Variants in COMMD7 observed in about 807,000 individuals in gnomAD.
COMMD7 encodes the protein COMM domain-containing protein 7.
COMMD7 carries 28 observed loss-of-function variants against 34.8 expected under a neutral mutation model. The ratio of observed to expected loss-of-function variants is 0.80; its 90% CI spans 0.60 to 1.10. The LOEUF (loss-of-function observed/expected upper bound fraction) is 1.10. COMMD7 is among the 50% of genes least tolerant of loss of function. COMMD7 has a pLI of 0.00. For missense variants in COMMD7, 211 were observed against 241.6 expected (o/e 0.87, Z 0.84); for synonymous variants, 80 against 86.4 (o/e 0.93, Z 0.41).
chr20:32,728,560 CTTTCT>C (rs536344572), intron 1 of COMMD7, among the ~76,000 whole-genome samples: 71 of 151,976 alleles, frequency 4.7e-4, no homozygotes, highest in Non-Finnish European at 8.7e-4. Context: ...TCCATATTTT[CTTTCT>C]TTTCTTTTTT....
intron 3 of COMMD7, among the ~76,000 whole-genome samples, chr20:32,714,703 A>T (rs1309182764): frequency 6.6e-6 from 1 of 152,086 alleles, no homozygotes; most frequent in Admixed American, 6.6e-5. Context: ...GCATGGCTGT[A>T]GTCCCAGCTA....
chr20:32,704,761 G>T, intron 6 of COMMD7, 53 bp downstream of exon 6: 2 of 1,350,274 alleles, frequency 1.5e-6, no homozygotes, highest in Non-Finnish European at 2.1e-6. Context: ...CACAGCCTCT[G>T]CACCCCAACC....
intron 1 of COMMD7, among the ~76,000 whole-genome samples, chr20:32,738,622 A>G (rs1450433013): frequency 2.0e-5 from 3 of 152,134 alleles, no homozygotes; most frequent in African/African-American, 7.2e-5. Flanking sequence ...GGGTCTTGCT[A>G]TGTTGCTCAG....
Position 32,722,916 on chromosome 20 carries a change from G to A in COMMD7, c.241+4977C>T, listed in dbSNP as rs1985258800. Among the ~76,000 whole-genome samples, 4 of 151,320 alleles carry A rather than the reference G, an allele frequency of 2.6e-5. No individual in the cohort carries two copies. In the Admixed American group the frequency reaches 2.7e-4, roughly 10 times the overall value. On this transcript the variant is annotated intron_variant, in intron 3 of 8. Transcript: ENST00000278980. ...GGGCACCTGTAGTCCCAGCTACTCGGGAGGCTGAGGCAGAATGGCGTGAAC... is the reference window on the plus strand; with the variant it reads ...GGGCACCTGTAGTCCCAGCTACTCGAGAGGCTGAGGCAGAATGGCGTGAAC...
chr20:32,706,818 A>C, intron 3 of COMMD7, 58 bp from the exon 4 acceptor site: 1 of 1,404,846 alleles, frequency 7.1e-7, no homozygotes, highest in Non-Finnish European at 1.0e-6. Context: ...GTCGGCAATA[A>C]GTATTTAATG....
chr20:32,711,829 G>A, intron 3 of COMMD7, among the ~76,000 whole-genome samples: 1 of 138,640 alleles, frequency 7.2e-6, no homozygotes. Flanking sequence ...GGGGCCTCTT[G>A]GAGGGTGGGG....
At chr20:32,742,335 A>G (rs943727344) in intron 1 of COMMD7, 6 of 152,116 alleles carry the variant, frequency 3.9e-5, no homozygotes, top group African/African-American at 1.2e-4. Flanking sequence ...TTTGGTTTTT[A>G]TCTCGCAAGC....
intron 3 of COMMD7, among the ~76,000 whole-genome samples, chr20:32,707,181 G>A (rs1363826581): frequency 6.7e-6 from 1 of 148,884 alleles, no homozygotes; most frequent in Non-Finnish European, 1.5e-5. Flanking sequence ...CTACTCGGGA[G>A]GCTGAGGCAG....
chr20:32,703,960 C>T (rs750242974), intron 8 of COMMD7, 63 bp downstream of exon 8: 1 of 1,612,192 alleles, frequency 6.2e-7, no homozygotes, highest in Admixed American at 1.7e-5. Flanking sequence ...GTGAGCGTCA[C>T]CAGCCCCTGA....
At chr20:32,737,906 C>G (rs1257706963) in intron 1 of COMMD7, among the ~76,000 whole-genome samples, 1 of 149,558 alleles carries the variant, frequency 6.7e-6, no homozygotes, top group African/African-American at 2.5e-5. Flanking sequence ...CTACGAATAC[C>G]AAGCTGGAGG....
chr20:32,722,922 T>A (rs1353773275), intron 3 of COMMD7, among the ~76,000 whole-genome samples: 1 of 149,060 alleles, frequency 6.7e-6, no homozygotes, highest in Non-Finnish European at 1.5e-5. Flanking sequence ...CTCGGGAGGC[T>A]GAGGCAGAAT....
intron 3 of COMMD7, 51 bp from the exon 4 acceptor site, chr20:32,706,811 G>A (rs548716753): frequency 6.8e-5 from 101 of 1,477,282 alleles, no homozygotes; most frequent in Middle Eastern, 1.7e-4. Context: ...TGAATTAGTC[G>A]GCAATAAGTA....
intron 3 of COMMD7, among the ~76,000 whole-genome samples, chr20:32,720,420 G>T (rs530103410): frequency 6.6e-6 from 1 of 151,242 alleles, no homozygotes; most frequent in African/African-American, 2.4e-5. Flanking sequence ...GCTTGAACCC[G>T]GGAAGCAGAG....
intron 3 of COMMD7, among the ~76,000 whole-genome samples, chr20:32,716,942 C>T (rs1028892877): frequency 2.0e-5 from 3 of 151,970 alleles, no homozygotes; most frequent in African/African-American, 7.2e-5. Flanking sequence ...CCCCGCCTCC[C>T]GGGTTCAGCC....
chr20:32,721,083 T>A (rs975554957), intron 3 of COMMD7, among the ~76,000 whole-genome samples: 33 of 152,210 alleles, frequency 2.2e-4, no homozygotes, highest in Admixed American at 3.3e-4. Context: ...ATATCTCAGA[T>A]GCTGGAAGGG....
intron 1 of COMMD7, among the ~76,000 whole-genome samples, chr20:32,737,819 CAG>C (rs1404799042): frequency 1.8e-4 from 25 of 140,402 alleles, no homozygotes; most frequent in African/African-American, 6.4e-4. Flanking sequence ...GCCTTGGCAA[CAG>C]AGTGAGGTCC....
At chr20:32,719,480 C>T (rs1290026231) in intron 3 of COMMD7, among the ~76,000 whole-genome samples, 1 of 152,036 alleles carries the variant, frequency 6.6e-6, no homozygotes, top group African/African-American at 2.4e-5. Context: ...GAAACCCCGT[C>T]TCTAATAAAA....
intron 3 of COMMD7, among the ~76,000 whole-genome samples, chr20:32,712,613 A>T (rs888825451): frequency 8.6e-4 from 12 of 13,958 alleles, no homozygotes; most frequent in African/African-American, 2.6e-3. Context: ...CCAGACCTTT[A>T]AAAAAAAAAA....
chr20:32,730,638 G>A (rs1257929162), intron 1 of COMMD7, among the ~76,000 whole-genome samples: 1 of 152,128 alleles, frequency 6.6e-6, no homozygotes, highest in Non-Finnish European at 1.5e-5. Flanking sequence ...GGGTTTAAAA[G>A]ACCCAGTTCA....
Sources: gnomAD v4.1 joint callset for allele counts (sites outside exome capture counted in the v4.1 genomes callset) on GRCh38, gnomAD v4.1.1 for gene constraint, MANE v1.5 for transcripts, NCBI Gene and HGNC (gene_info 2026-07-23, HGNC 2026-07-21) for gene names.